The following ZFC3H1 variants were observed in gnomAD, a reference collection of about 807,000 sequenced individuals.
ZFC3H1 encodes the protein zinc finger C3H1 domain-containing protein.
ZFC3H1 carries 71 observed loss-of-function variants against 243.7 expected under a neutral mutation model. The observed-to-expected ratio is 0.29, with a 90% CI of 0.24 to 0.36. The LOEUF (loss-of-function observed/expected upper bound fraction) is 0.36. ZFC3H1 is among the 10% of genes least tolerant of loss of function. The pLI is 1.00. For synonymous variants in ZFC3H1, 838 were observed against 813.0 expected (o/e 1.03, Z -0.52); for missense variants, 1,966 against 2,317.1 (o/e 0.85, Z 3.11).
chr12:71,636,409 G>A (rs550088781), intron 9 of ZFC3H1, 81 bp downstream of exon 9: 2 of 1,329,734 alleles, frequency 1.5e-6, no homozygotes, highest in African/African-American at 3.0e-5. Context: ...TAAACCAAGG[G>A]GTAGAAAACA....
Position 71,615,187 on chromosome 12 carries a change from T to A in ZFC3H1, c.5255+19A>T. On this transcript the variant is annotated intron_variant, in intron 28 of 34. Coordinates refer to ENST00000378743, the MANE Select transcript of ZFC3H1 (RefSeq NM_144982.5). ...ATGCAGGCCTAGTATGCAATATCTCTCCACAGTGGATGTCTCACCAGTAAA... is the reference window on the plus strand; with the variant it reads ...ATGCAGGCCTAGTATGCAATATCTCACCACAGTGGATGTCTCACCAGTAAA... 3.2e-6 allele frequency: 5 copies of A among 1,560,518 alleles called. No homozygotes were observed. Among genetic ancestry groups the A allele is most frequent in the Non-Finnish European group, 3.5e-6 (4 of 1,134,762 alleles).
intron 23 of ZFC3H1, 29 bp downstream of exon 23, chr12:71,624,075 T>C (rs1880097653): frequency 1.3e-6 from 2 of 1,576,304 alleles, no homozygotes; most frequent in Non-Finnish European, 8.6e-7. Flanking sequence ...TTCTGCAAAA[T>C]GCAATTAAAT....
chr12:71,611,965 C>A, intron 31 of ZFC3H1, 78 bp from the exon 32 acceptor site: 2 of 782,830 alleles, frequency 2.6e-6, no homozygotes, highest in South Asian at 1.8e-5. Flanking sequence ...AGCACAATGA[C>A]GAAGTATAAA....
rs756421311 is a variant in ZFC3H1, at chr12:71,626,356, G to A, written c.4221C>T (p.Tyr1407=). 6.2e-7 allele frequency: 1 copy of A among 1,614,006 alleles called. No homozygotes were observed. The highest frequency in any genetic ancestry group is 8.5e-7 in the Non-Finnish European group (1 of 1,180,002). Residue 1407 remains tyrosine (Y), a synonymous_variant, in exon 22 of 35, where the codon TAC becomes TAT. Coordinates refer to ENST00000378743, the MANE Select transcript of ZFC3H1 (RefSeq NM_144982.5). ...TTCCTCTTTTTGAGAACAATCTGAG[G>A]TAATGGCACCAAATTTCTGGATTGT... ...NKDNPEIWCH[Y]LRLFSKRGTK...
intron 30 of ZFC3H1, chr12:71,613,657 A>C (rs558422884): frequency 2.7e-6 from 1 of 367,294 alleles, no homozygotes; most frequent in Non-Finnish European, 5.0e-6. Context: ...TGGGCAGAAC[A>C]CTGACAAGAA....
rs1880083130 is a variant in ZFC3H1, at chr12:71,623,476, T to C, written c.4628A>G (p.Tyr1543Cys). ...IEFNILPSKFYDPSNDNPSRI... is the reference protein window; with the variant it reads ...IEFNILPSKFCDPSNDNPSRI... ...TGAAGGATTATCATTAGATGGATCA[T>C]AAAATTTTGAAGGGAGAATGTTGAA... The change falls in exon 24 of 35, where the codon TAT becomes TGT. Residue 1543 changes from tyrosine to cysteine, a missense_variant. Physicochemically the swap from Tyr to Cys is radical, Grantham distance 194. Transcript: ENST00000378743. The C allele has an allele frequency of 6.2e-7, 1 of 1,613,814 alleles. No individual in the cohort carries two copies. The highest frequency in any genetic ancestry group is 8.5e-7 in the Non-Finnish European group (1 of 1,179,838).
chr12:71,631,598 A>G (rs1247806452), intron 16 of ZFC3H1, among the ~76,000 whole-genome samples, 180 bp downstream of exon 16: 1 of 152,150 alleles, frequency 6.6e-6, no homozygotes, highest in Non-Finnish European at 1.5e-5. Context: ...TGATAAATCC[A>G]AGAGTGTGGT....
chr12:71,624,402 G>T, intron 22 of ZFC3H1, 110 bp from the exon 23 acceptor site: 1 of 1,153,250 alleles, frequency 8.7e-7, no homozygotes, highest in Non-Finnish European at 1.2e-6. Context: ...TTCAACTTCT[G>T]CAAAAAGGAT....
rs1271734122 is a variant in ZFC3H1 at position 71,642,541 on chromosome 12, T to C, written c.1522A>G (p.Arg508Gly). The C allele has an allele frequency of 4.3e-6, 7 of 1,612,220 alleles. No homozygotes were observed. The South Asian group carries it at 7.7e-5, about 18-fold the overall frequency. The change falls in exon 6 of 35, where the codon AGG becomes GGG. Residue 508 changes from arginine (R) to glycine (G), a missense_variant. Coordinates refer to ENST00000378743, the MANE Select transcript of ZFC3H1 (RefSeq NM_144982.5). ...SRSKSSDPDL[R>G]RSLDKQPTDS... Reference sequence around the variant, plus strand: ...GTAGGTTGCTTATCTAAGGATCGCCTCAGGTCAGGATCTGAAGACTAAGTA... The same window carrying C: ...GTAGGTTGCTTATCTAAGGATCGCCCCAGGTCAGGATCTGAAGACTAAGTA...
chr12:71,634,075 C>A, intron 12 of ZFC3H1, 80 bp downstream of exon 12: 1 of 1,371,542 alleles, frequency 7.3e-7, no homozygotes, highest in Non-Finnish European at 9.9e-7. Context: ...TCTTATAGTA[C>A]GCTTATTAAT....
chr12:71,663,081 C>A lies in ZFC3H1; in HGVS notation c.530G>T (p.Gly177Val), dbSNP rs1881230085. ...GCTGAACCCGGATCCTGCTCCTCCT[C>A]CCAGAGGAGGTCTGCACCCCGGCTT... Reference protein sequence around the residue: ...GGKPGCRPPLGGGAGSGFSSS... With the variant: ...GGKPGCRPPLVGGAGSGFSSS... Residue 177 changes from glycine (G) to valine (V), a missense_variant, in exon 1 of 35, where the codon GGA becomes GTA. Coordinates refer to ENST00000378743, the MANE Select transcript of ZFC3H1 (RefSeq NM_144982.5). 3 of 1,614,018 alleles carry A rather than the reference C, an allele frequency of 1.9e-6. No homozygotes were observed. Among genetic ancestry groups the A allele is most frequent in the South Asian group, 2.2e-5 (2 of 91,084 alleles).
intron 5 of ZFC3H1, among the ~76,000 whole-genome samples, chr12:71,642,785 T>C (rs745565191): frequency 3.9e-5 from 6 of 152,180 alleles, no homozygotes; most frequent in South Asian, 4.1e-4. Flanking sequence ...GTACGAGCTA[T>C]ACAGACGAAA....
intron 24 of ZFC3H1, 89 bp from the exon 25 acceptor site, chr12:71,620,404 GGAAA>G (rs2137520883): frequency 1.5e-6 from 2 of 1,322,406 alleles, no homozygotes; most frequent in South Asian, 2.4e-5. Context: ...GAGACCAATG[GGAAA>G]AGATGACCCC....
At chr12:71,610,799 T>A in intron 33 of ZFC3H1, 42 bp from the exon 34 acceptor site, 6 of 1,571,186 alleles carry the variant, frequency 3.8e-6, no homozygotes, top group Non-Finnish European at 5.2e-6. Flanking sequence ...GAAAATATAA[T>A]GAAAAACACC....
At chr12:71,629,077 GTTTTT>G (rs559873321) in intron 19 of ZFC3H1, 40 bp from the exon 20 acceptor site, 1 of 1,351,080 alleles carries the variant, frequency 7.4e-7, no homozygotes, top group Non-Finnish European at 9.9e-7. Flanking sequence ...GATATAACTA[GTTTTT>G]TTTTTAACAT....
At chr12:71,652,445 A>C (rs1880913136) in intron 2 of ZFC3H1, among the ~76,000 whole-genome samples, 1 of 152,186 alleles carries the variant, frequency 6.6e-6, no homozygotes, top group Non-Finnish European at 1.5e-5. Context: ...TCACCAAAAA[A>C]ATACCGTTAT....
intron 6 of ZFC3H1, 26 bp downstream of exon 6, chr12:71,642,410 C>A: frequency 6.2e-7 from 1 of 1,601,738 alleles, no homozygotes; most frequent in Non-Finnish European, 8.5e-7. Context: ...TGTAAATACA[C>A]AAAGGTTTCA....
chr12:71,650,840 C>T (rs995222767), intron 2 of ZFC3H1, among the ~76,000 whole-genome samples: 3 of 152,094 alleles, frequency 2.0e-5, no homozygotes, highest in Non-Finnish European at 4.4e-5. Context: ...TAAGAGCTCC[C>T]CATTTCATTA....
At chr12:71,641,314 A>G (rs1290615907) in intron 6 of ZFC3H1, among the ~76,000 whole-genome samples, 1 of 152,226 alleles carries the variant, frequency 6.6e-6, no homozygotes, top group Non-Finnish European at 1.5e-5. Context: ...TAACAACCTG[A>G]AAAATGAGCA....
Sources: gnomAD v4.1 joint callset for allele counts (sites outside exome capture counted in the v4.1 genomes callset) on GRCh38, gnomAD v4.1.1 for gene constraint, MANE v1.5 for transcripts, NCBI Gene and HGNC (gene_info 2026-07-23, HGNC 2026-07-21) for gene names.